TMEFF2: variants seen among roughly 807,000 people sequenced by gnomAD.
TMEFF2 encodes transmembrane protein with EGF like and two follistatin like domains 2.
In TMEFF2, 28 loss-of-function variants were observed where a neutral mutation model predicts 53.8. That is an observed-to-expected ratio of 0.52 (90% CI 0.39 to 0.71). The LOEUF (loss-of-function observed/expected upper bound fraction) is 0.71, where lower values mean the gene tolerates loss of function less well. Among genes scored for constraint, TMEFF2 ranks in the 30% least tolerant of loss-of-function variants. The probability of loss-of-function intolerance (pLI) is 0.00; values close to 1 mark genes in which losing one functional copy is unlikely to be tolerated. For synonymous variants in TMEFF2, 162 were observed against 166.3 expected, an observed-to-expected ratio of 0.97 and a Z score of 0.20; for missense variants, 353 against 455.2, an observed-to-expected ratio of 0.78 and a Z score of 2.04.
At chr2:192,099,141 A>G (rs1400070326) in intron 4 of TMEFF2, among the ~76,000 whole-genome samples, 1 of 151,836 alleles carries the variant, frequency 6.6e-6, no homozygotes, top group African/African-American at 2.4e-5. Flanking sequence ...CTCCTTCCCT[A>G]TTTTCCTTCC....
chr2:191,949,658 C>T lies in TMEFF2; in HGVS notation c.*653G>A. ...AAAACCAATATTTTCTTTCCCTCTC[C>T]TTTATGAGTTATAAAACACTTTCCC... On this transcript the variant is annotated 3_prime_UTR_variant, in exon 10 of 10. Coordinates refer to ENST00000272771, the MANE Select transcript of TMEFF2 (RefSeq NM_016192.4). 3 of 985,318 alleles carry T rather than the reference C, an allele frequency of 3.0e-6. No individual in the cohort carries two copies. The highest frequency in any genetic ancestry group is 3.6e-6 in the Non-Finnish European group (3 of 829,878). 61.0% of individuals were successfully genotyped at this position (985,318 alleles called of 1,614,324 possible). A position where few individuals can be genotyped will look rare whatever the true frequency, so the allele number is the denominator to read the frequency against.
chr2:192,011,841 C>CA (rs1400332012), intron 5 of TMEFF2, among the ~76,000 whole-genome samples: 1 of 152,108 alleles, frequency 6.6e-6, no homozygotes, highest in Non-Finnish European at 1.5e-5. Flanking sequence ...CTATTTTAAG[C>CA]AAGCTCAGTT....
rs1691557239 is a variant in TMEFF2 at position 192,194,512 on chromosome 2, C to T, written c.13G>A (p.Glu5Lys). 5 of 1,613,456 alleles carry T rather than the reference C, an allele frequency of 3.1e-6. No homozygotes were observed. Among genetic ancestry groups the T allele is most frequent in the Non-Finnish European group, 3.4e-6 (4 of 1,179,968 alleles). Residue 5 changes from glutamate (E) to lysine (K), a missense_variant, in exon 1 of 10, where the codon GAG becomes AAG. Glu to Lys is a moderately conservative substitution (Grantham distance 56, BLOSUM62 1). Coordinates refer to ENST00000272771, the MANE Select transcript of TMEFF2 (RefSeq NM_016192.4). The surrounding 1 kb of genome is among the most constrained non-coding windows in gnomAD (Gnocchi z 4.2). MVLW[E>K]SPRQCSSWTL... The stretch of plus-strand genomic sequence containing the variant: ...CAGCTGCTGCACTGCCGCGGGGACT[C>T]CCACAGCACCATGACTAGTTCGTGC...
chr2:192,008,984 A>G lies in TMEFF2; in HGVS notation c.537-9776T>C, dbSNP rs1227048268. On this transcript the variant is annotated intron_variant, in intron 5 of 9. Transcript: ENST00000272771. ...AAAGATAAGAAACAACAGACAAATTACAGCTTTGCATTCTGGTAAAGTTGC... is the reference window on the plus strand; with the variant it reads ...AAAGATAAGAAACAACAGACAAATTGCAGCTTTGCATTCTGGTAAAGTTGC... Among the ~76,000 whole-genome samples, 9 of 152,358 alleles carry G rather than the reference A, an allele frequency of 5.9e-5. No individual in the cohort carries two copies. The East Asian group carries it at 1.7e-3, about 29-fold the overall frequency.
chr2:192,026,383 C>T (rs558061808), intron 5 of TMEFF2, among the ~76,000 whole-genome samples: 7 of 152,270 alleles, frequency 4.6e-5, no homozygotes, highest in African/African-American at 1.4e-4. Flanking sequence ...CTGTAATAGA[C>T]GACTGTGTGT....
At chr2:192,157,344 T>C (rs1247150604) in intron 4 of TMEFF2, among the ~76,000 whole-genome samples, 2 of 152,050 alleles carry the variant, frequency 1.3e-5, no homozygotes, top group Non-Finnish European at 2.9e-5. Context: ...CTTAGTTTTC[T>C]CATCTGTAAA....
chr2:192,141,539 T>A (rs534495321), intron 4 of TMEFF2, among the ~76,000 whole-genome samples: 95 of 151,990 alleles, frequency 6.3e-4, no homozygotes, highest in Non-Finnish European at 1.1e-3. Context: ...TTTATTATTA[T>A]TTAGTAAAAT....
At chr2:192,178,536 G>C (rs1691107688) in intron 4 of TMEFF2, 1 of 150,162 alleles carries the variant, frequency 6.7e-6, no homozygotes, top group East Asian at 2.0e-4. Context: ...AAAAAATTGT[G>C]TTTCAATCTG....
intron 4 of TMEFF2, among the ~76,000 whole-genome samples, chr2:192,165,798 G>C (rs4368280): frequency 1.3e-5 from 2 of 151,640 alleles, no homozygotes; most frequent in African/African-American, 4.9e-5. Flanking sequence ...CTCAGCATTA[G>C]CAGTAGATAC....
intron 4 of TMEFF2, among the ~76,000 whole-genome samples, chr2:192,081,950 G>A (rs1688564641): frequency 6.6e-6 from 1 of 151,762 alleles, no homozygotes; most frequent in Admixed American, 6.6e-5. Flanking sequence ...ACAGGCCCCC[G>A]CCACCATGCC....
At chr2:192,042,964 T>C (rs946989294) in intron 5 of TMEFF2, among the ~76,000 whole-genome samples, 4 of 152,156 alleles carry the variant, frequency 2.6e-5, no homozygotes, top group African/African-American at 9.7e-5. Flanking sequence ...ACCACTCTTC[T>C]CTGCAGGCCA....
intron 5 of TMEFF2, among the ~76,000 whole-genome samples, chr2:192,003,808 A>G (rs1686426085): frequency 6.6e-6 from 1 of 152,074 alleles, no homozygotes; most frequent in Non-Finnish European, 1.5e-5. Context: ...GAGTTTTAGC[A>G]TTAATTTTTT....
intron 5 of TMEFF2, among the ~76,000 whole-genome samples, chr2:192,018,131 A>G (rs536665495): frequency 1.3e-5 from 2 of 152,318 alleles, no homozygotes; most frequent in South Asian, 4.1e-4. Context: ...TGAGGATGAT[A>G]AATTCTACTG....
intron 9 of TMEFF2, among the ~76,000 whole-genome samples, chr2:191,952,765 C>T (rs949691649): frequency 2.6e-5 from 4 of 152,072 alleles, no homozygotes; most frequent in African/African-American, 4.8e-5. Flanking sequence ...TCTAAAGATA[C>T]GATACTTTCT....
intron 7 of TMEFF2, among the ~76,000 whole-genome samples, chr2:191,961,751 A>G (rs1045617068): frequency 6.6e-6 from 1 of 152,178 alleles, no homozygotes; most frequent in Admixed American, 6.6e-5. Flanking sequence ...TGAGGCAGTA[A>G]AACCTCATAT....
intron 5 of TMEFF2, among the ~76,000 whole-genome samples, chr2:192,039,501 C>T (rs2105883962): frequency 6.6e-6 from 1 of 152,234 alleles, no homozygotes; most frequent in South Asian, 2.1e-4. Flanking sequence ...CCAATGTTTT[C>T]CAATCTGTGC....
At chr2:192,026,372 G>C (rs1366409199) in intron 5 of TMEFF2, among the ~76,000 whole-genome samples, 1 of 152,124 alleles carries the variant, frequency 6.6e-6, no homozygotes, top group Non-Finnish European at 1.5e-5. Flanking sequence ...GTACTTTCCT[G>C]CTGTAATAGA....
At chr2:192,184,620 T>A in intron 2 of TMEFF2, 137 bp from the exon 3 acceptor site, 1 of 1,143,934 alleles carries the variant, frequency 8.7e-7, no homozygotes, top group South Asian at 1.8e-5. Context: ...CAATAAGTCT[T>A]TATAAGGGCA....
chr2:192,188,252 T>C (rs142245450), intron 2 of TMEFF2, among the ~76,000 whole-genome samples: 2 of 152,320 alleles, frequency 1.3e-5, no homozygotes, highest in East Asian at 3.9e-4. Context: ...CTGTGTGCCT[T>C]CCCAGGCTAG....
Sources: gnomAD v4.1 joint callset for allele counts (sites outside exome capture counted in the v4.1 genomes callset) on GRCh38, gnomAD v4.1.1 for gene constraint, Gnocchi (gnomAD v3.1) non-coding constraint, MANE v1.5 for transcripts, NCBI Gene and HGNC (gene_info 2026-07-23, HGNC 2026-07-21) for gene names.